TUT4: variants seen among roughly 807,000 people sequenced by gnomAD.
TUT4 encodes terminal uridylyltransferase 4.
TUT4 carries 36 observed loss-of-function variants against 192.2 expected under a neutral mutation model. The observed-to-expected ratio is 0.19, with a 90% CI of 0.14 to 0.25. TUT4 has a LOEUF of 0.25. TUT4 is among the 10% of genes least tolerant of loss of function. The pLI is 1.00. For synonymous variants in TUT4, 618 were observed against 666.0 expected (o/e 0.93, Z 1.11); for missense variants, 1,493 against 1,957.2 (o/e 0.76, Z 4.47).
chr1:52,466,159 G>A (rs1307219290), intron 15 of TUT4, among the ~76,000 whole-genome samples: 1 of 151,714 alleles, frequency 6.6e-6, no homozygotes, highest in East Asian at 1.9e-4. Flanking sequence ...ATAGCTGAGA[G>A]GCAAAAAAGA....
At chr1:52,543,069 C>CAACACAGTTCCAG (rs1687152285) in intron 1 of TUT4, among the ~76,000 whole-genome samples, 1 of 152,116 alleles carries the variant, frequency 6.6e-6, no homozygotes, top group African/African-American at 2.4e-5. Flanking sequence ...TTCACCATTT[C>CAACACAGTTCCAG]TGCTCAACAC....
intron 21 of TUT4, 23 bp from the exon 22 acceptor site, chr1:52,446,465 A>AAGAAC (rs1220821533): frequency 1.2e-5 from 19 of 1,576,178 alleles, no homozygotes; most frequent in Non-Finnish European, 1.6e-5. Context: ...AAAAAAAGAA[A>AAGAAC]AGAACAATGT....
intron 20 of TUT4, among the ~76,000 whole-genome samples, chr1:52,449,216 A>T (rs528107767): frequency 1.3e-5 from 2 of 152,326 alleles, no homozygotes; most frequent in Non-Finnish European, 1.5e-5. Flanking sequence ...CAAATAAGTC[A>T]ATCATATTTA....
chr1:52,524,415 C>A (rs544685076), intron 2 of TUT4, among the ~76,000 whole-genome samples: 1 of 151,744 alleles, frequency 6.6e-6, no homozygotes, highest in African/African-American at 2.4e-5. Flanking sequence ...CCCAGCTACT[C>A]GGAGAGGCTG....
chr1:52,522,670 A>C (rs573666788), intron 2 of TUT4, among the ~76,000 whole-genome samples: 73 of 152,330 alleles, frequency 4.8e-4, no homozygotes, highest in African/African-American at 1.4e-3. Flanking sequence ...TCATGCCTGT[A>C]ATCCCAGCAC....
At chr1:52,550,330 T>C (rs1351262491) in intron 1 of TUT4, among the ~76,000 whole-genome samples, 3 of 152,146 alleles carry the variant, frequency 2.0e-5, no homozygotes, top group Admixed American at 6.6e-5. Context: ...TCTGGAATTG[T>C]TCTTTTTTAG....
At chr1:52,528,771 A>G (rs1279880733) in intron 1 of TUT4, among the ~76,000 whole-genome samples, 1 of 151,956 alleles carries the variant, frequency 6.6e-6, no homozygotes, top group Non-Finnish European at 1.5e-5. Context: ...TAAAGAGTTC[A>G]CTCTTTAATA....
chr1:52,475,357 T>C lies in TUT4; in HGVS notation c.2202A>G (p.Lys734=). Residue 734 remains lysine (K), a synonymous_variant, in exon 13 of 30, where the codon AAA becomes AAG. Transcript: ENST00000257177. ...KREKGKISNK[K]PVKSNNMATN... is the part of the protein sequence containing the mutation. ...TTGCCATATTGTTCGACTTGACTGGTTTCTTATTGCTTATTTTCCCCTTCT... is the reference window on the plus strand; with the variant it reads ...TTGCCATATTGTTCGACTTGACTGGCTTCTTATTGCTTATTTTCCCCTTCT... 1.9e-6 allele frequency: 3 copies of C among 1,614,178 alleles called. No individual in the cohort carries two copies. The highest frequency in any genetic ancestry group is 2.5e-6 in the Non-Finnish European group (3 of 1,180,030).
At position 52,477,855 on chromosome 1, in the gene TUT4, G is replaced by T. The variant is rs762275263; in HGVS notation, c.1876C>A (p.Arg626=). 1.2e-6 allele frequency: 2 copies of T among 1,609,756 alleles called. No homozygotes were observed. Among genetic ancestry groups the T allele is most frequent in the Admixed American group, 1.7e-5 (1 of 58,824 alleles). ...AACCATAACTGTCCCAAGGATACCC[G>T]ATTTGGTGTTTCCAATGCTAAAGGA... is the stretch of plus-strand genomic sequence containing the variant. The part of the protein sequence containing the change: ...KSPLALETPN[R]VSLGQLWLEL... The change falls in exon 12 of 30, where the codon CGG becomes AGG. Residue 626 remains arginine (R), a synonymous_variant. Coordinates refer to ENST00000257177, the MANE Select transcript of TUT4 (RefSeq NM_001009881.3).
chr1:52,485,591 T>C (rs1669585370), intron 9 of TUT4, among the ~76,000 whole-genome samples: 1 of 152,166 alleles, frequency 6.6e-6, no homozygotes. Flanking sequence ...TGTGTGTTTT[T>C]AATAAATGGT....
At chr1:52,492,039 G>T (rs1557835130) in intron 7 of TUT4, among the ~76,000 whole-genome samples, 1 of 152,084 alleles carries the variant, frequency 6.6e-6, no homozygotes, top group East Asian at 1.9e-4. Flanking sequence ...TATATATCTT[G>T]GATGGAAAAG....
rs1253253872 is a variant in TUT4 at position 52,505,309 on chromosome 1, C to T, written c.999+4287G>A. On this transcript the variant is annotated intron_variant, in intron 4 of 29. Transcript: ENST00000257177. ...GTCTCATTATATTGCCCAGGCTGATCTCAAACTCCTAGGTTCAAACAACCA... is the reference window on the plus strand; with the variant it reads ...GTCTCATTATATTGCCCAGGCTGATTTCAAACTCCTAGGTTCAAACAACCA... Among the ~76,000 whole-genome samples the T allele has an allele frequency of 4.0e-5, 6 of 151,782 alleles. No homozygotes were observed. The East Asian group carries it at 1.2e-3, about 29-fold the overall frequency.
At chr1:52,436,237 G>GTGGAGGATTA (rs1372788828) in intron 26 of TUT4, among the ~76,000 whole-genome samples, 3 of 152,144 alleles carry the variant, frequency 2.0e-5, no homozygotes, top group African/African-American at 7.2e-5. Context: ...TGTAATCCCA[G>GTGGAGGATTA]CACTTTGGGA....
At chr1:52,478,971 T>G (rs1667795714) in intron 11 of TUT4, among the ~76,000 whole-genome samples, 1 of 152,142 alleles carries the variant, frequency 6.6e-6, no homozygotes, top group African/African-American at 2.4e-5. Context: ...AATTACATAG[T>G]AACTTAAAAG....
At chr1:52,509,302 C>T (rs1676467472) in intron 4 of TUT4, among the ~76,000 whole-genome samples, 1 of 152,134 alleles carries the variant, frequency 6.6e-6, no homozygotes, top group Non-Finnish European at 1.5e-5. Context: ...TCTTATTCAC[C>T]ACTGCCTAGA....
rs545551385 is a variant in TUT4 at position 52,481,624 on chromosome 1, A to G, written c.1647T>C (p.Phe549=). ...GAAAGTCATCCATTCTTTTTGGGTC[A>G]AAGCCTTCAATCTATATAAAAAGGC... ...PCLLGSWIEG[F]DPKRMDDFQL... is the part of the protein sequence containing the mutation. Residue 549 remains phenylalanine (F), a synonymous_variant, in exon 11 of 30, where the codon TTT becomes TTC. Coordinates refer to ENST00000257177, the MANE Select transcript of TUT4 (RefSeq NM_001009881.3). The G allele has an allele frequency of 6.2e-7, 1 of 1,613,294 alleles. No individual in the cohort carries two copies. Among genetic ancestry groups the G allele is most frequent in the Admixed American group, 1.7e-5 (1 of 59,956 alleles).
chr1:52,442,581 A>G (rs1655990072), intron 24 of TUT4, among the ~76,000 whole-genome samples: 1 of 152,208 alleles, frequency 6.6e-6, no homozygotes, highest in Non-Finnish European at 1.5e-5. Context: ...ACCCCAAACC[A>G]GAAAATCTGA....
chr1:52,492,638 C>A (rs1410818827), intron 7 of TUT4, among the ~76,000 whole-genome samples: 1 of 152,232 alleles, frequency 6.6e-6, no homozygotes, highest in African/African-American at 2.4e-5. Context: ...GAAAGTCTAG[C>A]TCCAGCTCCC....
At chr1:52,515,644 G>C in intron 3 of TUT4, 1 of 593,036 alleles carries the variant, frequency 1.7e-6, no homozygotes, top group Non-Finnish European at 3.0e-6. Flanking sequence ...CAAAAGCAAG[G>C]GATAGACCAT....
Sources: allele counts gnomAD v4.1 joint callset (sites outside exome capture counted in the v4.1 genomes callset), GRCh38; gene constraint gnomAD v4.1.1; transcripts MANE v1.5; gene names NCBI Gene and HGNC (gene_info 2026-07-23, HGNC 2026-07-21).